Variants in ZNF804A observed in about 807,000 individuals in gnomAD.
ZNF804A encodes zinc finger protein 804A.
A neutral mutation model predicts 16.5 loss-of-function variants in ZNF804A; 2 were observed. That is an observed-to-expected ratio of 0.12 (90% CI 0.05 to 0.38). The LOEUF is 0.38. ZNF804A is among the 10% of genes least tolerant of loss of function. The pLI is 0.99. For missense variants in ZNF804A, 1,473 were observed against 1,390.7 expected (o/e 1.06, Z -0.94); for synonymous variants, 534 against 489.6 (o/e 1.09, Z -1.20).
intron 1 of ZNF804A, among the ~76,000 whole-genome samples, chr2:184,692,352 A>G (rs527824539): frequency 1.3e-5 from 2 of 152,296 alleles, no homozygotes; most frequent in South Asian, 2.1e-4. Flanking sequence ...AGTCTTTCAT[A>G]AGATCCCAGG....
intron 1 of ZNF804A, among the ~76,000 whole-genome samples, chr2:184,855,884 A>G (rs898141691): frequency 4.6e-5 from 7 of 152,080 alleles, no homozygotes; most frequent in Non-Finnish European, 1.0e-4. Context: ...TAATAAAATA[A>G]TGTATGACTT....
At chr2:184,796,988 G>A (rs1447169771) in intron 1 of ZNF804A, among the ~76,000 whole-genome samples, 2 of 152,016 alleles carry the variant, frequency 1.3e-5, no homozygotes, top group Admixed American at 6.5e-5. Flanking sequence ...GTGGTCTGAA[G>A]AGTGCTTGAT....
chr2:184,650,070 T>A (rs1435991601), intron 1 of ZNF804A, among the ~76,000 whole-genome samples: 1 of 152,048 alleles, frequency 6.6e-6, no homozygotes, highest in African/African-American at 2.4e-5. Context: ...GAGAAAATAC[T>A]AGCACCCAAA....
At chr2:184,926,642 ATTGTCCCTT>A (rs1484823858) in intron 2 of ZNF804A, among the ~76,000 whole-genome samples, 1 of 151,902 alleles carries the variant, frequency 6.6e-6, no homozygotes, top group Non-Finnish European at 1.5e-5. Flanking sequence ...AAACTCTTAG[ATTGTCCCTT>A]TTGAGGGTAT....
chr2:184,794,847 G>A (rs1323401258), intron 1 of ZNF804A, among the ~76,000 whole-genome samples: 1 of 152,082 alleles, frequency 6.6e-6, no homozygotes, highest in Non-Finnish European at 1.5e-5. Context: ...AAGTGAGCAG[G>A]CCTTTTCTAA....
intron 1 of ZNF804A, among the ~76,000 whole-genome samples, chr2:184,723,082 A>G (rs1693345855): frequency 6.6e-6 from 1 of 151,970 alleles, no homozygotes; most frequent in South Asian, 2.1e-4. Context: ...ATCGAGTAAC[A>G]TGGATAATCT....
At chr2:184,682,040 C>T (rs1038476819) in intron 1 of ZNF804A, among the ~76,000 whole-genome samples, 8 of 152,244 alleles carry the variant, frequency 5.3e-5, no homozygotes, top group African/African-American at 1.7e-4. Flanking sequence ...CCTCAGCCCC[C>T]TCTGAAACTT....
intron 2 of ZNF804A, among the ~76,000 whole-genome samples, chr2:184,925,154 T>C (rs1490987236): frequency 6.6e-6 from 1 of 152,052 alleles, no homozygotes; most frequent in Non-Finnish European, 1.5e-5. Context: ...CCAGCTGTTA[T>C]TGTACTGAGG....
intron 1 of ZNF804A, among the ~76,000 whole-genome samples, chr2:184,687,929 A>T (rs559827736): frequency 1.3e-5 from 2 of 151,950 alleles, no homozygotes; most frequent in African/African-American, 4.8e-5. Flanking sequence ...GACCAGCCTG[A>T]CCAATATGGT....
At chr2:184,604,675 G>A (rs1056269082) in intron 1 of ZNF804A, among the ~76,000 whole-genome samples, 1 of 152,164 alleles carries the variant, frequency 6.6e-6, no homozygotes, top group Non-Finnish European at 1.5e-5. Flanking sequence ...CTGTTGCTAT[G>A]TAGGCTATTC....
intron 1 of ZNF804A, among the ~76,000 whole-genome samples, chr2:184,678,227 A>G (rs1166169831): frequency 6.6e-6 from 1 of 152,072 alleles, no homozygotes; most frequent in African/African-American, 2.4e-5. Context: ...CTTAAGAAGA[A>G]AACTTTTATG....
At chr2:184,651,714 A>G (rs761889403) in intron 1 of ZNF804A, among the ~76,000 whole-genome samples, 4 of 152,052 alleles carry the variant, frequency 2.6e-5, no homozygotes, top group Admixed American at 6.6e-5. Context: ...AATCATCAGA[A>G]AAATGCAAAT....
chr2:184,665,128 A>G (rs1019711119), intron 1 of ZNF804A, among the ~76,000 whole-genome samples: 6 of 152,220 alleles, frequency 3.9e-5, no homozygotes, highest in African/African-American at 1.4e-4. Context: ...TCTTAGTATT[A>G]AAACAATCAT....
intron 2 of ZNF804A, among the ~76,000 whole-genome samples, chr2:184,903,532 C>T (rs920283034): frequency 6.6e-6 from 1 of 152,080 alleles, no homozygotes. Flanking sequence ...TATGGTTGCA[C>T]AGTGACAAAA....
intron 1 of ZNF804A, among the ~76,000 whole-genome samples, chr2:184,639,508 T>G (rs1051911749): frequency 6.6e-6 from 1 of 152,190 alleles, no homozygotes; most frequent in Admixed American, 6.5e-5. Flanking sequence ...CATTTGATAT[T>G]GATGTTCTTC....
At chr2:184,639,491 C>T (rs972065527) in intron 1 of ZNF804A, among the ~76,000 whole-genome samples, 2 of 151,956 alleles carry the variant, frequency 1.3e-5, no homozygotes, top group Non-Finnish European at 2.9e-5. Flanking sequence ...TTTCAGTTTC[C>T]TCGCTCCATT....
At chr2:184,778,569 T>G (rs1201051415) in intron 1 of ZNF804A, among the ~76,000 whole-genome samples, 1 of 151,716 alleles carries the variant, frequency 6.6e-6, no homozygotes, top group Non-Finnish European at 1.5e-5. Context: ...CAATTTACTT[T>G]TAAACATCTC....
At chr2:184,666,022 C>T (rs910962561) in intron 1 of ZNF804A, among the ~76,000 whole-genome samples, 6 of 152,086 alleles carry the variant, frequency 3.9e-5, no homozygotes, top group African/African-American at 4.8e-5. Context: ...GTTTCATCTG[C>T]GAAATCCTTT....
intron 1 of ZNF804A, among the ~76,000 whole-genome samples, chr2:184,733,656 T>C (rs1289297018): frequency 6.6e-6 from 1 of 152,162 alleles, no homozygotes; most frequent in Admixed American, 6.5e-5. Flanking sequence ...GCTTTGTATG[T>C]TCTGTTTTGG....
Sources: gnomAD v4.1 joint callset for allele counts (sites outside exome capture counted in the v4.1 genomes callset) on GRCh38, gnomAD v4.1.1 for gene constraint, MANE v1.5 for transcripts, NCBI Gene and HGNC (gene_info 2026-07-23, HGNC 2026-07-21) for gene names.